ASCC3: variants seen among roughly 807,000 people sequenced by gnomAD.
ASCC3 encodes the protein ASC-1 complex subunit P200.
Under a neutral mutation model 256.3 loss-of-function variants are expected in ASCC3, and 158 were observed. The observed-to-expected ratio is 0.62, with a 90% CI of 0.54 to 0.70. The LOEUF is 0.70. Ranked by LOEUF, ASCC3 falls within the 30% of genes least tolerant of loss-of-function variation. ASCC3 has a pLI of 0.00. For synonymous variants in ASCC3, 948 were observed against 883.4 expected, an observed-to-expected ratio of 1.07 and a Z score of -1.30; for missense variants, 2,259 against 2,626.0, an observed-to-expected ratio of 0.86 and a Z score of 3.05.
At chr6:100,616,940 C>T (rs1773691555) in intron 30 of ASCC3, among the ~76,000 whole-genome samples, 1 of 152,070 alleles carries the variant, frequency 6.6e-6, no homozygotes, top group South Asian at 2.1e-4. Context: ...GCTTTCCCAC[C>T]CCAGAAAAGG....
intron 23 of ASCC3, among the ~76,000 whole-genome samples, chr6:100,643,763 G>A (rs956882222): frequency 6.6e-6 from 1 of 151,920 alleles, no homozygotes; most frequent in African/African-American, 2.4e-5. Flanking sequence ...GACCACTATT[G>A]TACTGTTGTT....
At chr6:100,523,795 G>T (rs1300729772) in intron 37 of ASCC3, among the ~76,000 whole-genome samples, 1 of 152,136 alleles carries the variant, frequency 6.6e-6, no homozygotes, top group Non-Finnish European at 1.5e-5. Flanking sequence ...CACAGTTGCA[G>T]ATTATACTTT....
At chr6:100,780,315 T>C (rs1440772025) in intron 8 of ASCC3, among the ~76,000 whole-genome samples, 4 of 152,144 alleles carry the variant, frequency 2.6e-5, no homozygotes, top group Non-Finnish European at 1.5e-5. Flanking sequence ...ACTTATATAA[T>C]GCTCATAAAT....
chr6:100,650,341 C>T (rs1775599698), intron 20 of ASCC3, among the ~76,000 whole-genome samples, 197 bp downstream of exon 20: 1 of 151,628 alleles, frequency 6.6e-6, no homozygotes, highest in Non-Finnish European at 1.5e-5. Context: ...CTATCAGTCA[C>T]CAAATCTCAT....
At chr6:100,747,004 A>G (rs1030692412) in intron 10 of ASCC3, among the ~76,000 whole-genome samples, 4 of 152,252 alleles carry the variant, frequency 2.6e-5, no homozygotes, top group African/African-American at 9.6e-5. Flanking sequence ...CTTGCAAAAC[A>G]CGTATCCAAC....
chr6:100,526,199 A>G (rs1375710496), intron 37 of ASCC3, among the ~76,000 whole-genome samples: 1 of 152,210 alleles, frequency 6.6e-6, no homozygotes, highest in Non-Finnish European at 1.5e-5. Context: ...TATGAGTAAA[A>G]GCGCTTCAAG....
At chr6:100,551,127 C>T (rs1464790241) in intron 36 of ASCC3, among the ~76,000 whole-genome samples, 1 of 151,860 alleles carries the variant, frequency 6.6e-6, no homozygotes, top group Non-Finnish European at 1.5e-5. Context: ...ACTATATGCA[C>T]TTCAATAAAA....
chr6:100,641,482 T>C (rs1393466783), intron 24 of ASCC3, among the ~76,000 whole-genome samples: 1 of 152,224 alleles, frequency 6.6e-6, no homozygotes, highest in Non-Finnish European at 1.5e-5. Flanking sequence ...GTCTGTTGGC[T>C]GCATAAATGT....
intron 4 of ASCC3, among the ~76,000 whole-genome samples, chr6:100,818,584 AG>A (rs1770874478): frequency 1.5e-5 from 2 of 136,722 alleles, no homozygotes; most frequent in East Asian, 3.7e-4. Flanking sequence ...AAAAAAAAAA[AG>A]AAGAAGAAAA....
intron 9 of ASCC3, 72 bp from the exon 10 acceptor site, chr6:100,766,777 C>A (rs550245461): frequency 5.1e-5 from 79 of 1,556,886 alleles, no homozygotes; most frequent in Middle Eastern, 1.7e-4. Flanking sequence ...GTAGCCAATA[C>A]AAGTCACAAT....
At position 100,599,590 on chromosome 6, in the gene ASCC3, G is replaced by A. The variant is rs116833576; in HGVS notation, c.5303+2220C>T. ...ATGGTCATGTAAGATGTTAACATGGGGAAGCTGGGTGAAGGGTATACAGTG... is the reference window on the plus strand; with the variant it reads ...ATGGTCATGTAAGATGTTAACATGGAGAAGCTGGGTGAAGGGTATACAGTG... On this transcript the variant is annotated intron_variant, in intron 34 of 41. Transcript: ENST00000369162. Among the ~76,000 whole-genome samples the A allele has an allele frequency of 3.8e-3, 581 of 151,896 alleles. 6 individuals are homozygous for A. Among genetic ancestry groups the A allele is most frequent in the African/African-American group, 0.013 (549 of 41,418 alleles).
chr6:100,803,716 A>G (rs937888589), intron 5 of ASCC3, among the ~76,000 whole-genome samples: 1 of 152,162 alleles, frequency 6.6e-6, no homozygotes, highest in African/African-American at 2.4e-5. Flanking sequence ...TAAGGCTCTG[A>G]GAACATGTAT....
intron 13 of ASCC3, among the ~76,000 whole-genome samples, chr6:100,687,260 G>A (rs1281484817): frequency 2.0e-5 from 3 of 152,160 alleles, no homozygotes; most frequent in Non-Finnish European, 2.9e-5. Flanking sequence ...AAATGAAAAC[G>A]GGATTTGGTG....
intron 13 of ASCC3, among the ~76,000 whole-genome samples, chr6:100,695,629 T>C (rs1182732662): frequency 1.3e-5 from 2 of 152,188 alleles, no homozygotes; most frequent in South Asian, 2.1e-4. Flanking sequence ...TTCCAAGATA[T>C]AGGCCTTCCT....
chr6:100,729,620 T>C (rs1316387480), intron 10 of ASCC3, among the ~76,000 whole-genome samples: 3 of 152,318 alleles, frequency 2.0e-5, no homozygotes, highest in African/African-American at 7.2e-5. Context: ...ACTCATCTTG[T>C]TATATCTGAT....
chr6:100,742,873 G>T (rs1384318687), intron 10 of ASCC3, among the ~76,000 whole-genome samples: 1 of 152,186 alleles, frequency 6.6e-6, no homozygotes, highest in Non-Finnish European at 1.5e-5. Context: ...TGTCAGGTGT[G>T]GTGGAAGTGA....
At chr6:100,768,279 T>C (rs1188075430) in intron 8 of ASCC3, among the ~76,000 whole-genome samples, 3 of 152,176 alleles carry the variant, frequency 2.0e-5, no homozygotes, top group African/African-American at 7.2e-5. Flanking sequence ...GTACTCTTAT[T>C]ACTTCCCTTT....
chr6:100,664,036 C>T (rs772422932), intron 14 of ASCC3, among the ~76,000 whole-genome samples: 4 of 152,052 alleles, frequency 2.6e-5, no homozygotes, highest in African/African-American at 4.8e-5. Context: ...AGTGCTGTAG[C>T]AGAAGGTCTT....
chr6:100,864,284 T>C (rs1008613964), intron 2 of ASCC3, 70 bp from the exon 3 acceptor site: 3 of 1,344,238 alleles, frequency 2.2e-6, no homozygotes, highest in Non-Finnish European at 2.1e-6. Flanking sequence ...TGATTACATA[T>C]ATTTTGCATT....
Sources: gnomAD v4.1 joint callset for allele counts (sites outside exome capture counted in the v4.1 genomes callset) on GRCh38, gnomAD v4.1.1 for gene constraint, MANE v1.5 for transcripts, NCBI Gene and HGNC (gene_info 2026-07-23, HGNC 2026-07-21) for gene names.